The following SEMA4A variants were observed in gnomAD, a reference collection of about 807,000 sequenced individuals.
The protein encoded by SEMA4A is semaphorin-4A.
A neutral mutation model predicts 72.5 loss-of-function variants in SEMA4A; 52 were observed. The observed-to-expected ratio is 0.72, with a 90% confidence interval of 0.57 to 0.90. SEMA4A has a LOEUF of 0.90. Among genes scored for constraint, SEMA4A ranks in the 40% least tolerant of loss-of-function variants. The pLI is 0.00. For synonymous variants in SEMA4A, 369 were observed against 393.1 expected (o/e 0.94, Z 0.73); for missense variants, 926 against 959.7 (o/e 0.96, Z 0.46).
At chr1:156,174,970 T>C (rs778683926) in intron 12 of SEMA4A, 30 bp downstream of exon 12, 3 of 1,614,114 alleles carry the variant, frequency 1.9e-6, no homozygotes, top group African/African-American at 2.7e-5. Context: ...TCAAATGGCC[T>C]TCCAGTGGGG....
intron 10 of SEMA4A, 181 bp downstream of exon 10, chr1:156,163,275 T>A: frequency 1.5e-6 from 1 of 664,466 alleles, no homozygotes; most frequent in Non-Finnish European, 2.6e-6. Flanking sequence ...CACCCTTTTA[T>A]ACACGGAGCA....
chr1:156,156,324 C>G, intron 2 of SEMA4A, 90 bp from the exon 3 acceptor site: 1 of 1,302,894 alleles, frequency 7.7e-7, no homozygotes, highest in Non-Finnish European at 1.1e-6. Context: ...CACACTCAGG[C>G]AACCCTTCCC....
At chr1:156,169,989 C>T (rs902156745) in intron 10 of SEMA4A, among the ~76,000 whole-genome samples, 1 of 151,816 alleles carries the variant, frequency 6.6e-6, no homozygotes, top group African/African-American at 2.4e-5. Context: ...CGTGCCACTG[C>T]ACTCCAGCCT....
chr1:156,176,070 T>A (rs1455746345), intron 14 of SEMA4A, among the ~76,000 whole-genome samples: 3 of 152,000 alleles, frequency 2.0e-5, no homozygotes, highest in Admixed American at 2.0e-4. Context: ...TCTACCATTG[T>A]TTGAGCTCAT....
intron 10 of SEMA4A, among the ~76,000 whole-genome samples, chr1:156,163,475 A>G (rs1188485473): frequency 3.3e-5 from 5 of 152,004 alleles, no homozygotes; most frequent in Non-Finnish European, 2.9e-5. Context: ...TAATCCCAAC[A>G]CTTGGGGAGG....
intron 10 of SEMA4A, among the ~76,000 whole-genome samples, chr1:156,170,327 G>A (rs1654582092): frequency 6.6e-6 from 1 of 151,856 alleles, no homozygotes; most frequent in African/African-American, 2.4e-5. Flanking sequence ...AGCTGGGCGT[G>A]GTGGCGGGTG....
intron 10 of SEMA4A, among the ~76,000 whole-genome samples, chr1:156,165,885 T>C (rs1336206783): frequency 6.7e-6 from 1 of 149,214 alleles, no homozygotes; most frequent in Non-Finnish European, 1.5e-5. Flanking sequence ...CTGAGTTTTC[T>C]TGAACTATAT....
At chr1:156,167,467 C>A (rs1167178345) in intron 10 of SEMA4A, among the ~76,000 whole-genome samples, 2 of 119,444 alleles carry the variant, frequency 1.7e-5, no homozygotes, top group East Asian at 2.1e-4. Flanking sequence ...CAGAGTGAGA[C>A]CCTGTCTCAA....
chr1:156,174,636 G>A (rs1273785328), intron 11 of SEMA4A, among the ~76,000 whole-genome samples, 186 bp from the exon 12 acceptor site: 1 of 152,208 alleles, frequency 6.6e-6, no homozygotes, highest in South Asian at 2.1e-4. Flanking sequence ...GGGTCCAAGG[G>A]ATTTTAGTCA....
At chr1:156,153,150 G>A (rs1162956388), upstream of SEMA4A, among the ~76,000 whole-genome samples, 1 of 152,184 alleles carries the variant, frequency 6.6e-6, no homozygotes, top group Non-Finnish European at 1.5e-5. Context: ...CAAAATCATG[G>A]ATAAGAGCCT....
chr1:156,173,053 A>G (rs1654957977), intron 11 of SEMA4A, 47 bp downstream of exon 11: 6 of 1,583,916 alleles, frequency 3.8e-6, no homozygotes, highest in Non-Finnish European at 5.2e-6. Context: ...AGAGCAGAGG[A>G]TGCCCCCAGG....
At chr1:156,151,713 G>A (rs576565066), upstream of SEMA4A, among the ~76,000 whole-genome samples, 3 of 152,020 alleles carry the variant, frequency 2.0e-5, no homozygotes, top group African/African-American at 7.2e-5. Context: ...GCACATGCCT[G>A]TAGTCTCAGC....
At chr1:156,165,907 C>CTTTTTTTT (rs71080751) in intron 10 of SEMA4A, among the ~76,000 whole-genome samples, 34 of 112,918 alleles carry the variant, frequency 3.0e-4, no homozygotes, top group African/African-American at 6.1e-4. Context: ...TTCCTATCTT[C>CTTTTTTTT]TTTTTTTTTT....
Position 156,177,257 on chromosome 1 carries a change from A to T in SEMA4A, c.*260A>T. The T allele has an allele frequency of 1.8e-6, 1 of 558,460 alleles. No homozygotes were observed. The highest frequency in any genetic ancestry group is 3.2e-6 in the Non-Finnish European group (1 of 309,648). 34.6% of individuals were successfully genotyped at this position (558,460 alleles called of 1,614,324 possible). On this transcript the variant is annotated 3_prime_UTR_variant, in exon 15 of 15. Transcript: ENST00000368285. ...CCCCCAGACCTGCTCCTACACTGAT[A>T]TTGAAGAACCTGGAGAGGATCCTTC...
Position 156,172,947 on chromosome 1 carries a change from C to T in SEMA4A, c.1256C>T (p.Ala419Val). Residue 419 changes from alanine to valine, a missense_variant, in exon 11 of 15, where the codon GCA (alanine) becomes GTA (valine). Ala to Val is a moderately conservative substitution (Grantham distance 64). Coordinates refer to ENST00000368285, the MANE Select transcript of SEMA4A (RefSeq NM_022367.4). ...VKSGVEYTRL[A>V]VETAQGLDGH... The stretch of plus-strand genomic sequence containing the variant: ...TCTGGCGTGGAGTATACACGGCTTG[C>T]AGTGGAGACAGCCCAGGGCCTTGAT... The T allele has an allele frequency of 1.2e-6, 2 of 1,614,118 alleles. No individual in the cohort carries two copies. Among genetic ancestry groups the T allele is most frequent in the Non-Finnish European group, 1.7e-6 (2 of 1,179,990 alleles).
chr1:156,168,696 G>T (rs1263374757), intron 10 of SEMA4A, among the ~76,000 whole-genome samples: 1 of 152,144 alleles, frequency 6.6e-6, no homozygotes, highest in Non-Finnish European at 1.5e-5. Flanking sequence ...CCATAACTAA[G>T]TCTTGGCAAT....
intron 1 of SEMA4A, 114 bp from the exon 2 acceptor site, chr1:156,154,436 C>A (rs1652807122): frequency 2.7e-5 from 26 of 950,964 alleles, no homozygotes; most frequent in Non-Finnish European, 4.2e-5. Flanking sequence ...CCCCAATGCC[C>A]CACCCCTGCC....
chr1:156,175,708 T>C (rs753900060), intron 14 of SEMA4A, 52 bp downstream of exon 14: 2 of 1,247,286 alleles, frequency 1.6e-6, no homozygotes, highest in East Asian at 2.5e-5. Context: ...GGAAGACTTT[T>C]GGGCAGGGGT....
Position 156,175,644 on chromosome 1 carries a change from C to A in SEMA4A, c.1681C>A (p.Arg561Ser). The change falls in exon 14 of 15, where the codon CGC (arginine) becomes AGC (serine). Residue 561 changes from arginine (R) to serine (S), a missense_variant. Transcript: ENST00000368285. ...PMSRSLRPQS[R>S]PQIIKEVLAV... ...GAGCAGGAGCCTTCGGCCTCAGAGC[C>A]GCCCGCAAATCAGTGAGTGTAGGAC... 1 of 1,607,472 alleles carries A rather than the reference C, an allele frequency of 6.2e-7. No homozygotes were observed. The highest frequency in any genetic ancestry group is 8.5e-7 in the Non-Finnish European group (1 of 1,176,892).
Sources: gnomAD v4.1 joint callset for allele counts (sites outside exome capture counted in the v4.1 genomes callset) on GRCh38, gnomAD v4.1.1 for gene constraint, MANE v1.5 for transcripts, NCBI Gene and HGNC (gene_info 2026-07-23, HGNC 2026-07-21) for gene names.